The following SCAND3 variants were observed in gnomAD, a reference collection of about 807,000 sequenced individuals.
SCAND3 encodes SCAN domain-containing protein 3.
chr6:28,578,482 TA>T, the SCAND3 span, among the ~76,000 whole-genome samples: 2 of 152,190 alleles, frequency 1.3e-5, no homozygotes, highest in Non-Finnish European at 2.9e-5. Flanking sequence ...TTGTTAACTT[TA>T]TAATAAAATA....
the SCAND3 span, chr6:28,571,660 CA>C: frequency 2.6e-6 from 1 of 384,598 alleles, no homozygotes; most frequent in Non-Finnish European, 4.5e-6. Flanking sequence ...TTAGAATCAA[CA>C]GATTTAAAAT....
At chr6:28,572,536 G>T in the SCAND3 span, 3 of 1,613,834 alleles carry the variant, frequency 1.9e-6, no homozygotes, top group Non-Finnish European at 2.5e-6. This position sits in a 1 kb window ranked among gnomAD's most constrained non-coding sequence, Gnocchi z 4.1. Flanking sequence ...CCCTTGCATA[G>T]AAGCATTAAG....
At chr6:28,587,094 C>T in the SCAND3 span, 2 of 200,336 alleles carry the variant, frequency 1.0e-5, no homozygotes, top group Non-Finnish European at 2.0e-5. Flanking sequence ...AAACGAAGAT[C>T]GGAGCAGCCT....
At chr6:28,603,320 A>G in the SCAND3 span, among the ~76,000 whole-genome samples, 1 of 152,218 alleles carries the variant, frequency 6.6e-6, no homozygotes, top group African/African-American at 2.4e-5. Context: ...TTTGATGGGT[A>G]CACAAGTCTA....
the SCAND3 span, among the ~76,000 whole-genome samples, chr6:28,600,646 A>G: frequency 6.6e-6 from 1 of 152,114 alleles, no homozygotes; most frequent in Non-Finnish European, 1.5e-5. Context: ...AAATGTAAAA[A>G]AGTAAACAGA....
the SCAND3 span, chr6:28,573,913 T>A: frequency 2.9e-6 from 4 of 1,358,274 alleles, no homozygotes; most frequent in Non-Finnish European, 2.9e-6. Flanking sequence ...AAAACTAGAT[T>A]TGATTAAAAT....
At chr6:28,571,784 T>G in the SCAND3 span, 2 of 1,226,042 alleles carry the variant, frequency 1.6e-6, no homozygotes, top group Non-Finnish European at 2.2e-6. Flanking sequence ...GCTGTTTCAC[T>G]CATAACTTCT....
the SCAND3 span, chr6:28,579,254 G>A: frequency 1.2e-6 from 2 of 1,606,996 alleles, no homozygotes; most frequent in East Asian, 4.5e-5. This position sits in a 1 kb window ranked among gnomAD's most constrained non-coding sequence, Gnocchi z 4.5. Context: ...TTCTTTCTTA[G>A]AACTAAATTA....
chr6:28,584,494 G>T, the SCAND3 span, among the ~76,000 whole-genome samples: 1 of 152,092 alleles, frequency 6.6e-6, no homozygotes, highest in Non-Finnish European at 1.5e-5. Flanking sequence ...AAAGCTTATA[G>T]ATTGGCAGAA....
At chr6:28,572,014 C>G in the SCAND3 span, 4 of 1,613,812 alleles carry the variant, frequency 2.5e-6, no homozygotes, top group Non-Finnish European at 8.5e-7. This position sits in a 1 kb window ranked among gnomAD's most constrained non-coding sequence, Gnocchi z 4.1. Context: ...TAAACTGTTT[C>G]TATGTTTTGT....
the SCAND3 span, among the ~76,000 whole-genome samples, chr6:28,598,906 A>G: frequency 0.019 from 2,881 of 150,066 alleles, 39 homozygotes; most frequent in African/African-American, 0.038. Flanking sequence ...AAAAAAGAAA[A>G]AAAGTAATTA....
the SCAND3 span, chr6:28,575,513 C>G: frequency 1.9e-6 from 3 of 1,613,812 alleles, no homozygotes; most frequent in Non-Finnish European, 1.7e-6. This position sits in a 1 kb window ranked among gnomAD's most constrained non-coding sequence, Gnocchi z 4.2. Context: ...GTACAGAGAT[C>G]TTGATAATGC....
At chr6:28,602,425 C>G in the SCAND3 span, among the ~76,000 whole-genome samples, 1 of 152,186 alleles carries the variant, frequency 6.6e-6, no homozygotes, top group African/African-American at 2.4e-5. Flanking sequence ...CCAGGCTGGT[C>G]TCAAACTCCT....
chr6:28,570,779 C>T, the SCAND3 span: 1 of 152,110 alleles, frequency 6.6e-6, no homozygotes, highest in Non-Finnish European at 1.5e-5. Flanking sequence ...TGCTAAAGAA[C>T]CTGTTTTATC....
the SCAND3 span, among the ~76,000 whole-genome samples, chr6:28,584,457 C>A: frequency 0.062 from 9,481 of 152,154 alleles, 343 homozygotes; most frequent in African/African-American, 0.077. Context: ...GTAGTAGGCA[C>A]CAAGGCTAGT....
the SCAND3 span, among the ~76,000 whole-genome samples, chr6:28,602,059 T>C: frequency 6.6e-6 from 1 of 152,114 alleles, no homozygotes; most frequent in African/African-American, 2.4e-5. Context: ...GTGCAGATAA[T>C]GCCTGTGAAG....
At chr6:28,571,463 A>G in the SCAND3 span, 3 of 156,416 alleles carry the variant, frequency 1.9e-5, no homozygotes, top group African/African-American at 7.2e-5. Context: ...TCAGTTTAAC[A>G]AACTTCATAC....
the SCAND3 span, chr6:28,590,295 A>C: frequency 2.6e-5 from 4 of 152,260 alleles, no homozygotes; most frequent in African/African-American, 9.7e-5. Context: ...TCCCTGACCG[A>C]GTCCTCCCCA....
At chr6:28,590,744 T>G in the SCAND3 span, 1 of 152,230 alleles carries the variant, frequency 6.6e-6, no homozygotes, top group African/African-American at 2.4e-5. Flanking sequence ...CCATTAATAA[T>G]TCATTAGCTC....
Sources: gnomAD v4.1 joint callset for allele counts (sites outside exome capture counted in the v4.1 genomes callset) on GRCh38, gnomAD v4.1.1 for gene constraint, Gnocchi (gnomAD v3.1) non-coding constraint, MANE v1.5 for transcripts, NCBI Gene and HGNC (gene_info 2026-07-23, HGNC 2026-07-21) for gene names.